The following ZHX3 variants were observed in gnomAD, a reference collection of about 807,000 sequenced individuals.
The protein encoded by ZHX3 is zinc fingers and homeoboxes 3, also known as zinc fingers and homeoboxes protein 3.
Under a neutral mutation model 64.5 loss-of-function variants are expected in ZHX3, and 20 were observed. That is an observed-to-expected ratio of 0.31 (90% confidence interval 0.22 to 0.45). The LOEUF is 0.45. Ranked by LOEUF, ZHX3 falls within the 20% of genes least tolerant of loss-of-function variation. The pLI is 1.00. For missense variants in ZHX3, 1,041 were observed against 1,195.8 expected, an observed-to-expected ratio of 0.87 and a Z score of 1.91; for synonymous variants, 423 against 461.6, an observed-to-expected ratio of 0.92 and a Z score of 1.07.
chr20:41,314,878 C>T (rs922546747), intron 1 of ZHX3, among the ~76,000 whole-genome samples: 4 of 152,080 alleles, frequency 2.6e-5, no homozygotes, highest in African/African-American at 9.7e-5. Flanking sequence ...ATATTAAGTA[C>T]CCACAATGGG....
chr20:41,300,637 AGCCC>A (rs2044765571), intron 1 of ZHX3, among the ~76,000 whole-genome samples: 1 of 152,228 alleles, frequency 6.6e-6, no homozygotes, highest in Admixed American at 6.5e-5. Context: ...GCACCTACCC[AGCCC>A]GAGGGGTCAG....
chr20:41,189,334 G>A (rs2036805395), intron 3 of ZHX3, among the ~76,000 whole-genome samples: 4 of 152,080 alleles, frequency 2.6e-5, no homozygotes, highest in Admixed American at 1.3e-4. Context: ...CTCTTTCGTG[G>A]TTCTGTACAA....
At chr20:41,192,305 G>A (rs930226245) in intron 3 of ZHX3, among the ~76,000 whole-genome samples, 8 of 152,302 alleles carry the variant, frequency 5.3e-5, no homozygotes, top group Non-Finnish European at 7.4e-5. Context: ...CTCTGGCCAC[G>A]GAGGTGGTGG....
intron 1 of ZHX3, among the ~76,000 whole-genome samples, chr20:41,293,319 G>A (rs2044342956): frequency 6.6e-6 from 1 of 152,188 alleles, no homozygotes; most frequent in African/African-American, 2.4e-5. Flanking sequence ...AGTTTGAAAA[G>A]CATGGATTTA....
At chr20:41,259,170 T>C (rs919523158) in intron 2 of ZHX3, among the ~76,000 whole-genome samples, 4 of 152,206 alleles carry the variant, frequency 2.6e-5, no homozygotes, top group Non-Finnish European at 5.9e-5. Flanking sequence ...AGTTCCACCA[T>C]GGACTTTGGG....
rs1162346945 is a variant in ZHX3 at position 41,257,911 on chromosome 20, CT to C, written c.-151+11078del. ...CAGGTGTTAGCCACCACGCCCAACC[CT>C]TTTTTTTTTTGAGACGGAGTTTTGC... On this transcript the variant is annotated intron_variant, in intron 2 of 3. Coordinates refer to ENST00000683867, the MANE Select transcript of ZHX3 (RefSeq NM_001384317.1). Among the ~76,000 whole-genome samples the C allele has an allele frequency of 6.5e-4, 86 of 132,796 alleles. 1 individual carries two copies. The highest frequency in any genetic ancestry group is 7.4e-4 in the Admixed American group (10 of 13,522). 87.1% of individuals were successfully genotyped at this position (132,796 alleles called of 152,430 possible).
chr20:41,220,459 C>A (rs2146328117), intron 2 of ZHX3, among the ~76,000 whole-genome samples: 1 of 152,338 alleles, frequency 6.6e-6, no homozygotes, highest in East Asian at 1.9e-4. Flanking sequence ...GGGACCCTCA[C>A]TTCACTTGCA....
chr20:41,202,655 A>C lies in ZHX3; in HGVS notation c.2262T>G (p.Asp754Glu), dbSNP rs199828333. 306 of 1,613,970 alleles carry C rather than the reference A, an allele frequency of 1.9e-4. 3 individuals carry two copies. In the East Asian group the frequency reaches 4.0e-3, roughly 21 times the overall value. The part of the protein sequence containing the change: ...PGLGACDPED[D>E]ESNKLAEQLP... ...GCTGCTCTGCCAGTTTGTTTGACTC[A>C]TCATCCTCAGGGTCACAGGCACCCA... Residue 754 changes from aspartate to glutamate, a missense_variant, in exon 3 of 4, where the codon GAT (aspartate) becomes GAG (glutamate). Coordinates refer to ENST00000683867, the MANE Select transcript of ZHX3 (RefSeq NM_001384317.1). This position sits in a 1 kb window ranked among gnomAD's most constrained non-coding sequence, Gnocchi z 7.0.
chr20:41,223,644 G>A (rs1452054089), intron 2 of ZHX3, among the ~76,000 whole-genome samples: 1 of 152,210 alleles, frequency 6.6e-6, no homozygotes, highest in East Asian at 1.9e-4. Flanking sequence ...CCTGGCGAGG[G>A]GAAGAGGGAG....
intron 2 of ZHX3, among the ~76,000 whole-genome samples, chr20:41,259,418 A>G (rs1409704923): frequency 6.6e-6 from 1 of 152,224 alleles, no homozygotes; most frequent in Non-Finnish European, 1.5e-5. Context: ...GCACATACAA[A>G]CATGTACCAA....
intron 2 of ZHX3, among the ~76,000 whole-genome samples, chr20:41,223,168 T>C (rs1296190575): frequency 6.6e-6 from 1 of 152,234 alleles, no homozygotes; most frequent in Non-Finnish European, 1.5e-5. Context: ...AATAATATCC[T>C]GAGTTGGCAA....
intron 2 of ZHX3, among the ~76,000 whole-genome samples, chr20:41,247,422 T>C (rs965530157): frequency 5.3e-5 from 8 of 152,138 alleles, no homozygotes; most frequent in Middle Eastern, 6.8e-3. Context: ...GGCAAAGTAT[T>C]GAACCTCCCA....
intron 2 of ZHX3, among the ~76,000 whole-genome samples, chr20:41,263,723 T>C (rs2042681797): frequency 6.6e-6 from 1 of 151,930 alleles, no homozygotes; most frequent in Admixed American, 6.6e-5. Flanking sequence ...AAAAAAGAAA[T>C]AAATTAGATA....
Position 41,315,029 on chromosome 20 carries a change from C to T in ZHX3, c.-245+2480G>A, listed in dbSNP as rs895954831. ...GGTAAGCAAGGCAGGATAAGAACAACAGGGAAATGGGGTGTATTTGATAAT... is the reference window on the plus strand; with the variant it reads ...GGTAAGCAAGGCAGGATAAGAACAATAGGGAAATGGGGTGTATTTGATAAT... On this transcript the variant is annotated intron_variant, in intron 1 of 3. Coordinates refer to ENST00000683867, the MANE Select transcript of ZHX3 (RefSeq NM_001384317.1). Among the ~76,000 whole-genome samples, 9 of 152,226 alleles carry T rather than the reference C, an allele frequency of 5.9e-5. No individual in the cohort carries two copies. The South Asian group carries it at 1.9e-3, about 32-fold the overall frequency.
In ZHX3 at chr20:41,193,664, T is replaced by G. The variant is rs569206395; in HGVS notation, c.2860+8393A>C. ...TTCATTTATTAGCTCTTAACTATTT[T>G]TGTGTGTGTGTGGATTCAAGTTTTT... On this transcript the variant is annotated intron_variant, in intron 3 of 3. Coordinates refer to ENST00000683867, the MANE Select transcript of ZHX3 (RefSeq NM_001384317.1). Among the ~76,000 whole-genome samples, 158 of 151,858 alleles carry G rather than the reference T, an allele frequency of 1.0e-3. 1 individual carries two copies. The highest frequency in any genetic ancestry group is 3.4e-3 in the African/African-American group (140 of 41,414).
intron 1 of ZHX3, among the ~76,000 whole-genome samples, chr20:41,284,217 T>A (rs917311693): frequency 6.6e-6 from 1 of 152,160 alleles, no homozygotes; most frequent in Non-Finnish European, 1.5e-5. Flanking sequence ...AACATTTGGG[T>A]ACTTACAAGG....
In ZHX3 at chr20:41,181,986, T is replaced by G. The variant is rs1568771592; in HGVS notation, c.*3205A>C. The G allele has an allele frequency of 6.6e-6, 1 of 152,176 alleles. No individual in the cohort carries two copies. Among genetic ancestry groups the G allele is most frequent in the Non-Finnish European group, 1.5e-5 (1 of 68,036 alleles). 9.4% of individuals were successfully genotyped at this position (152,176 alleles called of 1,614,324 possible). ...CAAACCCCAAGGCCCTGGCAAGCCATCCAACTAGGGCGTTCTTTTTCAGGA... is the reference window on the plus strand; with the variant it reads ...CAAACCCCAAGGCCCTGGCAAGCCAGCCAACTAGGGCGTTCTTTTTCAGGA... On this transcript the variant is annotated 3_prime_UTR_variant, in exon 4 of 4. Coordinates refer to ENST00000683867, the MANE Select transcript of ZHX3 (RefSeq NM_001384317.1).
intron 1 of ZHX3, among the ~76,000 whole-genome samples, chr20:41,276,913 C>T (rs185352014): frequency 6.6e-6 from 1 of 152,178 alleles, no homozygotes; most frequent in Non-Finnish European, 1.5e-5. Flanking sequence ...CAATAGAATA[C>T]TACTCAGCAA....
intron 2 of ZHX3, among the ~76,000 whole-genome samples, chr20:41,229,607 G>A (rs1322327845): frequency 1.3e-5 from 2 of 152,072 alleles, no homozygotes; most frequent in Admixed American, 1.3e-4. Flanking sequence ...ATCCTAATGG[G>A]TGTGAGGCTG....
Sources: gnomAD v4.1 joint callset for allele counts (sites outside exome capture counted in the v4.1 genomes callset) on GRCh38, gnomAD v4.1.1 for gene constraint, Gnocchi (gnomAD v3.1) non-coding constraint, MANE v1.5 for transcripts, NCBI Gene and HGNC (gene_info 2026-07-23, HGNC 2026-07-21) for gene names.